The following NXPH1 variants were observed in gnomAD, a reference collection of about 807,000 sequenced individuals.
NXPH1 encodes neurexophilin 1.
NXPH1 carries 5 observed loss-of-function variants against 23.7 expected under a neutral mutation model. That is an observed-to-expected ratio of 0.21 (90% CI 0.11 to 0.44). NXPH1 has a LOEUF of 0.44. Among genes scored for constraint, NXPH1 ranks in the 20% least tolerant of loss-of-function variants. The pLI, the probability that NXPH1 is intolerant of heterozygous loss-of-function variation, is 0.99. For synonymous variants in NXPH1, 144 were observed against 122.2 expected (o/e 1.18, Z -1.18); for missense variants, 324 against 321.6 (o/e 1.01, Z -0.06).
intron 2 of NXPH1, among the ~76,000 whole-genome samples, chr7:8,613,827 G>A (rs1218544375): frequency 6.6e-6 from 1 of 151,324 alleles, no homozygotes; most frequent in Non-Finnish European, 1.5e-5. Flanking sequence ...ATATATCTTG[G>A]CCATCTTTTT....
At chr7:8,510,313 A>G (rs1817591637) in intron 2 of NXPH1, among the ~76,000 whole-genome samples, 1 of 152,174 alleles carries the variant, frequency 6.6e-6, no homozygotes, top group African/African-American at 2.4e-5. Context: ...ATACACAAAT[A>G]TTAAGTGAAA....
At chr7:8,613,895 T>G (rs2128630050) in intron 2 of NXPH1, among the ~76,000 whole-genome samples, 1 of 151,966 alleles carries the variant, frequency 6.6e-6, no homozygotes, top group East Asian at 1.9e-4. Flanking sequence ...ACATATAGAC[T>G]GAACACACGT....
chr7:8,611,422 C>T (rs962516551), intron 2 of NXPH1, among the ~76,000 whole-genome samples: 2 of 152,070 alleles, frequency 1.3e-5, no homozygotes, highest in Admixed American at 6.6e-5. Flanking sequence ...TTGCTAAAGA[C>T]CAAATCTCTG....
intron 2 of NXPH1, among the ~76,000 whole-genome samples, chr7:8,671,590 A>G (rs988816062): frequency 6.6e-6 from 1 of 152,150 alleles, no homozygotes; most frequent in African/African-American, 2.4e-5. Context: ...CTCTTTCTAC[A>G]TGGGAGGAAT....
intron 2 of NXPH1, among the ~76,000 whole-genome samples, chr7:8,712,672 A>G (rs967077142): frequency 6.6e-6 from 1 of 152,188 alleles, no homozygotes; most frequent in African/African-American, 2.4e-5. Context: ...GCATTATCTC[A>G]TTGACTTCTT....
intron 2 of NXPH1, among the ~76,000 whole-genome samples, chr7:8,666,821 G>T (rs1820775360): frequency 6.6e-6 from 1 of 151,924 alleles, no homozygotes; most frequent in Non-Finnish European, 1.5e-5. Context: ...GCATATGATT[G>T]CTCATAATAG....
intron 2 of NXPH1, among the ~76,000 whole-genome samples, chr7:8,514,604 T>A (rs138709760): frequency 2.0e-5 from 3 of 152,286 alleles, no homozygotes; most frequent in African/African-American, 7.2e-5. Flanking sequence ...TGTGGACTTA[T>A]GAAAGTTATA....
At chr7:8,554,863 C>G (rs1818331671) in intron 2 of NXPH1, among the ~76,000 whole-genome samples, 2 of 151,698 alleles carry the variant, frequency 1.3e-5, no homozygotes, top group African/African-American at 4.8e-5. Flanking sequence ...CTTAACTTTT[C>G]TAATTCCAGT....
chr7:8,554,795 GT>G (rs1189826528), intron 2 of NXPH1, among the ~76,000 whole-genome samples: 8 of 151,658 alleles, frequency 5.3e-5, no homozygotes, highest in Non-Finnish European at 1.5e-5. Flanking sequence ...AGTTACGTTT[GT>G]AACAGTATGT....
chr7:8,583,152 CA>C (rs946586944), intron 2 of NXPH1, among the ~76,000 whole-genome samples: 109 of 152,342 alleles, frequency 7.2e-4, no homozygotes, highest in African/African-American at 2.5e-3. Flanking sequence ...TTCTTGCCCA[CA>C]AGGATATAAT....
intron 2 of NXPH1, among the ~76,000 whole-genome samples, chr7:8,559,845 G>A (rs1818412427): frequency 6.6e-6 from 1 of 151,686 alleles, no homozygotes; most frequent in East Asian, 2.0e-4. Flanking sequence ...AGTGGGCATA[G>A]CATACTGGGC....
intron 2 of NXPH1, among the ~76,000 whole-genome samples, chr7:8,716,812 G>A (rs1268101762): frequency 1.3e-5 from 2 of 152,144 alleles, no homozygotes; most frequent in South Asian, 4.1e-4. Context: ...AACAGTCATT[G>A]CCCTGAGCCA....
intron 2 of NXPH1, among the ~76,000 whole-genome samples, chr7:8,494,696 T>A (rs1281128349): frequency 6.6e-6 from 1 of 152,120 alleles, no homozygotes; most frequent in African/African-American, 2.4e-5. Context: ...ATTGGTTCTA[T>A]CGAGTTGACA....
At chr7:8,670,814 G>C (rs1370065951) in intron 2 of NXPH1, among the ~76,000 whole-genome samples, 2 of 152,190 alleles carry the variant, frequency 1.3e-5, no homozygotes, top group Admixed American at 6.5e-5. Flanking sequence ...GGGTCTCTTT[G>C]TTCCTGCTTT....
At chr7:8,436,809 G>C (rs564836092) in intron 2 of NXPH1, among the ~76,000 whole-genome samples, 1 of 152,150 alleles carries the variant, frequency 6.6e-6, no homozygotes, top group African/African-American at 2.4e-5. Context: ...TCTGATTGGA[G>C]GTGATACTGG....
intron 2 of NXPH1, among the ~76,000 whole-genome samples, chr7:8,628,486 T>C (rs771546305): frequency 6.6e-6 from 1 of 150,900 alleles, no homozygotes; most frequent in South Asian, 2.1e-4. Flanking sequence ...AAGAGGAAAG[T>C]CAGGGACAAG....
chr7:8,741,013 A>C (rs1780351770), intron 2 of NXPH1, among the ~76,000 whole-genome samples: 1 of 152,190 alleles, frequency 6.6e-6, no homozygotes, highest in African/African-American at 2.4e-5. Context: ...TTCATCACAT[A>C]ATCAAATGTT....
At chr7:8,446,229 G>C (rs1403641565) in intron 2 of NXPH1, among the ~76,000 whole-genome samples, 1 of 152,200 alleles carries the variant, frequency 6.6e-6, no homozygotes, top group Non-Finnish European at 1.5e-5. Context: ...TTTATTGTCT[G>C]TCTTAGTGCA....
Position 8,610,706 on chromosome 7 carries a change from A to G in NXPH1, c.55-140302A>G, listed in dbSNP as rs115182873. Among the ~76,000 whole-genome samples, 513 of 152,072 alleles carry G rather than the reference A, an allele frequency of 3.4e-3. 6 individuals are homozygous for G. Among genetic ancestry groups the G allele is most frequent in the African/African-American group, 0.012 (482 of 41,472 alleles). ...TCCTTTTGTTGATTCATTCCCTCTAATTTTTATATGATTAACATGTATTAA... is the reference window on the plus strand; with the variant it reads ...TCCTTTTGTTGATTCATTCCCTCTAGTTTTTATATGATTAACATGTATTAA... On this transcript the variant is annotated intron_variant, in intron 2 of 2. Transcript: ENST00000405863.
Sources: allele counts gnomAD v4.1 joint callset (sites outside exome capture counted in the v4.1 genomes callset), GRCh38; gene constraint gnomAD v4.1.1; transcripts MANE v1.5; gene names NCBI Gene and HGNC (gene_info 2026-07-23, HGNC 2026-07-21).